CPVL: variants seen among roughly 807,000 people sequenced by gnomAD.
CPVL encodes carboxypeptidase vitellogenic like, also known as probable serine carboxypeptidase CPVL.
A neutral mutation model predicts 63.7 loss-of-function variants in CPVL; 51 were observed. That is an observed-to-expected ratio of 0.80 (90% CI 0.64 to 1.01). The LOEUF is 1.01. Ranked by LOEUF, CPVL falls within the 50% of genes least tolerant of loss-of-function variation. CPVL has a pLI of 0.00. For missense variants in CPVL, 530 were observed against 573.1 expected (o/e 0.92, Z 0.77); for synonymous variants, 195 against 206.0 (o/e 0.95, Z 0.46).
intron 6 of CPVL, among the ~76,000 whole-genome samples, chr7:29,091,836 G>T (rs1271858089): frequency 6.6e-6 from 1 of 152,198 alleles, no homozygotes; most frequent in Admixed American, 6.5e-5. Context: ...TTTTGTCAGA[G>T]ATCAGCAAAC....
At chr7:29,002,856 T>A (rs1784778453) in intron 12 of CPVL, among the ~76,000 whole-genome samples, 2 of 96,612 alleles carry the variant, frequency 2.1e-5, no homozygotes, top group Non-Finnish European at 2.3e-5. Context: ...AGAATAAAGG[T>A]ATGAAAATTC....
At chr7:29,177,158 C>G (rs1254569137) in intron 5 of CPVL, among the ~76,000 whole-genome samples, 1 of 152,116 alleles carries the variant, frequency 6.6e-6, no homozygotes, top group Non-Finnish European at 1.5e-5. Flanking sequence ...AAACTTATTC[C>G]TTTCTAATCT....
chr7:29,024,485 C>G (rs937026989), intron 12 of CPVL, among the ~76,000 whole-genome samples: 19 of 152,116 alleles, frequency 1.2e-4, no homozygotes, highest in Admixed American at 1.2e-3. Flanking sequence ...GCATCTAGAA[C>G]AGGAAGCTCA....
intron 1 of CPVL, among the ~76,000 whole-genome samples, chr7:29,189,284 G>T (rs528499605): frequency 6.6e-6 from 1 of 152,066 alleles, no homozygotes; most frequent in East Asian, 1.9e-4. Context: ...CCCAGGCCTC[G>T]TATACTCCCT....
chr7:29,017,163 T>G (rs887484834), intron 12 of CPVL, among the ~76,000 whole-genome samples: 1 of 152,222 alleles, frequency 6.6e-6, no homozygotes, highest in Non-Finnish European at 1.5e-5. Context: ...CTATGCACTC[T>G]GCCCTGTGCC....
In CPVL at chr7:29,093,096, G is replaced by GA. The variant is rs1449491883; in HGVS notation, c.463-395dup. Among the ~76,000 whole-genome samples, 4 of 152,208 alleles carry GA rather than the reference G, an allele frequency of 2.6e-5. No homozygotes were observed. In the East Asian group the frequency reaches 7.7e-4, roughly 29 times the overall value. On this transcript the variant is annotated intron_variant, in intron 5 of 12. Coordinates refer to ENST00000265394, the MANE Select transcript of CPVL (RefSeq NM_031311.5). ...GTGCATGGCTCTGTCCTGCCAAGAAGAAACTCTTGGTTGGCGCAGTGGCTC... is the reference window on the plus strand; with the variant it reads ...GTGCATGGCTCTGTCCTGCCAAGAAGAAAACTCTTGGTTGGCGCAGTGGCTC...
intron 2 of CPVL, among the ~76,000 whole-genome samples, chr7:29,119,012 G>GT (rs1789064783): frequency 6.6e-6 from 1 of 152,096 alleles, no homozygotes; most frequent in Admixed American, 6.5e-5. Flanking sequence ...CTCCTATTCT[G>GT]TTAAAGACCC....
At chr7:29,063,518 A>C (rs1438954176) in intron 11 of CPVL, among the ~76,000 whole-genome samples, 1 of 152,180 alleles carries the variant, frequency 6.6e-6, no homozygotes, top group Non-Finnish European at 1.5e-5. Flanking sequence ...GTGTGTGCCA[A>C]AGGGAATTTC....
intron 12 of CPVL, chr7:29,011,211 GTT>G (rs1309104200): frequency 6.6e-6 from 1 of 152,204 alleles, no homozygotes; most frequent in African/African-American, 2.4e-5. Flanking sequence ...TTCTTAATCT[GTT>G]TCTGTGCTAC....
chr7:29,066,131 G>C lies in CPVL; in HGVS notation c.865-10C>G, dbSNP rs569445234. On this transcript the variant is annotated splice_polypyrimidine_tract_variant and intron_variant, in intron 9 of 12. Coordinates refer to ENST00000265394, the MANE Select transcript of CPVL (RefSeq NM_031311.5). ...GTAGTTTATCCAGTATCTAGGTTGG[G>C]AGAGAGGGAGAAAGAAAGAAAGAAA... is the stretch of plus-strand genomic sequence containing the variant. 2.2e-6 allele frequency: 3 copies of C among 1,334,710 alleles called. No individual in the cohort carries two copies. Among genetic ancestry groups the C allele is most frequent in the African/African-American group, 2.9e-5 (2 of 68,380 alleles). The allele number at this position is 1,334,710 out of a possible 1,614,324, so 82.7% of individuals were successfully genotyped here.
At chr7:29,060,384 C>T (rs956926154) in intron 11 of CPVL, among the ~76,000 whole-genome samples, 2 of 152,194 alleles carry the variant, frequency 1.3e-5, no homozygotes, top group African/African-American at 4.8e-5. Flanking sequence ...AGATATGCAA[C>T]TTAAGAACAT....
chr7:29,030,642 A>T lies in CPVL; in HGVS notation c.1255T>A (p.Trp419Arg), dbSNP rs1375856264. Residue 419 changes from tryptophan to arginine, a missense_variant, in exon 12 of 13, where the codon TGG becomes AGG. Transcript: ENST00000265394. Reference sequence around the variant, plus strand: ...TCACTGTCAGATTTAAAGATCTTCCAAACTTTTTTTTCTGCCTTCTTGTAT... The same window carrying T: ...TCACTGTCAGATTTAAAGATCTTCCTAACTTTTTTTTCTGCCTTCTTGTAT... ...QEYKKAEKKV[W>R]KIFKSDSEVA... The T allele has an allele frequency of 6.2e-7, 1 of 1,613,908 alleles. No individual in the cohort carries two copies.
Position 29,096,102 on chromosome 7 carries a change from C to G in CPVL, c.403+1G>C. 1 of 1,609,822 alleles carries G rather than the reference C, an allele frequency of 6.2e-7. No homozygotes were observed. The highest frequency in any genetic ancestry group is 8.5e-7 in the Non-Finnish European group (1 of 1,176,020). On this transcript the variant is annotated splice_donor_variant, in intron 4 of 12. Transcript: ENST00000265394. LOFTEE classifies it high-confidence loss of function. Reference sequence around the variant, plus strand: ...GGAAATACAGTGCAAGGGATACTTACAGGTCATGTTACTTGTGACAACATA... The same window carrying G: ...GGAAATACAGTGCAAGGGATACTTAGAGGTCATGTTACTTGTGACAACATA...
At chr7:29,145,473 G>A (rs1461872320) in intron 1 of CPVL, among the ~76,000 whole-genome samples, 4 of 151,552 alleles carry the variant, frequency 2.6e-5, no homozygotes, top group Non-Finnish European at 5.9e-5. Context: ...GGACCCACTG[G>A]GGTTGCAGTG....
At chr7:29,018,274 T>C (rs1019146285) in intron 12 of CPVL, among the ~76,000 whole-genome samples, 1 of 151,800 alleles carries the variant, frequency 6.6e-6, no homozygotes, top group African/African-American at 2.4e-5. Context: ...AAAACAGAAG[T>C]GTTTTCTTTC....
At chr7:29,013,907 T>C (rs1166705591) in intron 12 of CPVL, among the ~76,000 whole-genome samples, 2 of 152,236 alleles carry the variant, frequency 1.3e-5, no homozygotes, top group Non-Finnish European at 2.9e-5. Context: ...TTTGGCCCAG[T>C]GTGGGACACT....
upstream of CPVL, chr7:29,146,831 A>G (rs750105059): frequency 1.1e-4 from 171 of 1,550,534 alleles, no homozygotes; most frequent in Non-Finnish European, 1.4e-4. Flanking sequence ...GTATTTTGAA[A>G]TTATTTCTGC....
In CPVL at chr7:29,139,140, T is replaced by C. The variant is rs1047841595; in HGVS notation, c.-11+7289A>G. On this transcript the variant is annotated intron_variant, in intron 1 of 12. Coordinates refer to ENST00000265394, the MANE Select transcript of CPVL (RefSeq NM_031311.5). ...GTAGAGGATGGCTGCGGGCTCCCTATAGTACATTACATTCTAAGACGAGCA... is the reference window on the plus strand; with the variant it reads ...GTAGAGGATGGCTGCGGGCTCCCTACAGTACATTACATTCTAAGACGAGCA... Among the ~76,000 whole-genome samples the C allele has an allele frequency of 3.3e-4, 50 of 152,182 alleles. 1 individual carries two copies. The highest frequency in any genetic ancestry group is 2.9e-3 in the Admixed American group (44 of 15,284).
chr7:29,167,941 G>C (rs13237997), intron 5 of CPVL, among the ~76,000 whole-genome samples: 3 of 152,038 alleles, frequency 2.0e-5, no homozygotes, highest in Admixed American at 6.5e-5. Flanking sequence ...CTACAACATC[G>C]GAGGTAACTG....
Sources: allele counts gnomAD v4.1 joint callset (sites outside exome capture counted in the v4.1 genomes callset), GRCh38; gene constraint gnomAD v4.1.1; transcripts MANE v1.5; gene names NCBI Gene and HGNC (gene_info 2026-07-23, HGNC 2026-07-21).